Variants in SYNE3 observed in about 807,000 individuals in gnomAD.
The protein encoded by SYNE3 is nesprin-3.
In SYNE3, 100 loss-of-function variants were observed where a neutral mutation model predicts 111.2. That is an observed-to-expected ratio of 0.90 (90% confidence interval 0.77 to 1.06). SYNE3 has a LOEUF of 1.06. Ranked by LOEUF, SYNE3 falls within the 50% of genes least tolerant of loss-of-function variation. The pLI, the probability that SYNE3 is intolerant of heterozygous loss-of-function variation, is 0.00. For missense variants in SYNE3, 1,160 were observed against 1,240.3 expected (o/e 0.94, Z 0.97); for synonymous variants, 547 against 533.9 (o/e 1.02, Z -0.34).
chr14:95,508,518 G>T (rs1462079601), intron 1 of SYNE3, among the ~76,000 whole-genome samples: 1 of 152,224 alleles, frequency 6.6e-6, no homozygotes, highest in Non-Finnish European at 1.5e-5. Context: ...ATAATTTCAG[G>T]GTGACAGGAC....
Position 95,475,874 on chromosome 14 carries a change from T to C in SYNE3, c.-14-39A>G, listed in dbSNP as rs115581614. 8.9e-3 allele frequency: 12,420 copies of C among 1,402,274 alleles called. 582 individuals carry two copies. In the Admixed American group the frequency reaches 0.15, roughly 16 times the overall value. The allele number at this position is 1,402,274 out of a possible 1,614,324, so 86.9% of individuals were successfully genotyped here. A position where few individuals can be genotyped will look rare whatever the true frequency, so the allele number is the denominator to read the frequency against. ...CACAGATAAGGCCAACAGGCAGGAA[T>C]GTAGGGGGCTGCAAAAAGACCCCCG... On this transcript the variant is annotated intron_variant, in intron 1 of 17. Coordinates refer to ENST00000682763, the MANE Select transcript of SYNE3 (RefSeq NM_152592.6).
chr14:95,434,919 G>A (rs1885999816), intron 15 of SYNE3, among the ~76,000 whole-genome samples: 4 of 152,310 alleles, frequency 2.6e-5, no homozygotes, highest in African/African-American at 7.2e-5. Flanking sequence ...CTCCCAAAGT[G>A]CGGGGATTAC....
At position 95,457,297 on chromosome 14, in the gene SYNE3, C is replaced by T; in HGVS notation, c.669G>A (p.Glu223=). 1 of 1,614,002 alleles carries T rather than the reference C, an allele frequency of 6.2e-7. No homozygotes were observed. The highest frequency in any genetic ancestry group is 8.5e-7 in the Non-Finnish European group (1 of 1,179,974). The change falls in exon 5 of 18, where the codon GAG becomes GAA. Residue 223 remains glutamate (E), a synonymous_variant. Transcript: ENST00000682763. The part of the protein sequence containing the change: ...DLLEQVAREH[E]EYQAGVDEFQ... ...ACTCGTCCACACCTGCCTGGTACTCCTCATGCTCCCGGGCCACCTGCTCCA... is the reference window on the plus strand; with the variant it reads ...ACTCGTCCACACCTGCCTGGTACTCTTCATGCTCCCGGGCCACCTGCTCCA...
chr14:95,459,371 G>A (rs761282910), intron 4 of SYNE3, among the ~76,000 whole-genome samples: 31 of 151,248 alleles, frequency 2.0e-4, no homozygotes, highest in Non-Finnish European at 8.9e-5. Flanking sequence ...GACGAGCCTA[G>A]GCAACACGGT....
intron 7 of SYNE3, 89 bp downstream of exon 7, chr14:95,452,158 G>T: frequency 7.0e-7 from 1 of 1,434,388 alleles, no homozygotes. Flanking sequence ...TTACTATGTT[G>T]TAGGAGAAAG....
intron 2 of SYNE3, 92 bp downstream of exon 2, chr14:95,475,586 G>T: frequency 7.8e-7 from 1 of 1,282,576 alleles, no homozygotes; most frequent in Non-Finnish European, 1.0e-6. Context: ...TTAGTCCACC[G>T]TTGCCTTTCA....
At chr14:95,430,737 T>C (rs2139368799) in intron 17 of SYNE3, among the ~76,000 whole-genome samples, 1 of 151,812 alleles carries the variant, frequency 6.6e-6, no homozygotes, top group East Asian at 1.9e-4. Flanking sequence ...GGCAGGAAAA[T>C]TGCTTGAACC....
rs138117065 is a variant in SYNE3 at position 95,483,904 on chromosome 14, A to G, written c.-14-8069T>C. Among the ~76,000 whole-genome samples the G allele has an allele frequency of 6.0e-3, 916 of 152,296 alleles. 11 individuals carry two copies. The highest frequency in any genetic ancestry group is 0.035 in the East Asian group (182 of 5,174). ...AGGTCTACTCTACAATTACAGCCAC[A>G]AAGGACACTGGCCAGGGACTGCTTT... On this transcript the variant is annotated intron_variant, in intron 1 of 17. Transcript: ENST00000682763.
At chr14:95,449,385 G>A (rs889929793) in intron 8 of SYNE3, 4 of 974,858 alleles carry the variant, frequency 4.1e-6, no homozygotes, top group Non-Finnish European at 4.9e-6. Flanking sequence ...GGAAGTAGAG[G>A]TGGAGAGAGC....
chr14:95,419,864 G>A (rs61981396), intron 17 of SYNE3, among the ~76,000 whole-genome samples: 104,562 of 115,476 alleles, frequency 0.91, 46,884 homozygotes, highest in Non-Finnish European at 0.93. Flanking sequence ...GGTGATGGAG[G>A]TGATGGTGAT....
intron 10 of SYNE3, chr14:95,444,035 G>A (rs2147122): frequency 0.71 from 119,152 of 168,696 alleles, 43,692 homozygotes; most frequent in African/African-American, 0.92. Context: ...GGGTTTTAAA[G>A]AGAGAACTAT....
chr14:95,465,951 C>A lies in SYNE3; in HGVS notation c.607G>T (p.Ala203Ser). The change falls in exon 4 of 18, where the codon GCA becomes TCA. Residue 203 changes from alanine to serine, a missense_variant. Coordinates refer to ENST00000682763, the MANE Select transcript of SYNE3 (RefSeq NM_152592.6). The part of the protein sequence containing the change: ...AQKRMKAEYD[A>S]VKAKAQKRVD... ...CTCACCTGGGCCTTGGCCTTCACTG[C>A]ATCGTACTCAGCCTTCATTCTCTTC... 6.3e-7 allele frequency: 1 copy of A among 1,585,336 alleles called. No homozygotes were observed. Among genetic ancestry groups the A allele is most frequent in the Non-Finnish European group, 8.6e-7 (1 of 1,157,556 alleles).
intron 1 of SYNE3, among the ~76,000 whole-genome samples, chr14:95,515,742 C>T (rs1890896613): frequency 6.6e-6 from 1 of 152,210 alleles, no homozygotes; most frequent in Admixed American, 6.5e-5. Flanking sequence ...GACCAGGAAC[C>T]TGGGAGAGTC....
intron 3 of SYNE3, 60 bp from the exon 4 acceptor site, chr14:95,466,300 G>A: frequency 3.3e-6 from 5 of 1,509,362 alleles, no homozygotes; most frequent in Non-Finnish European, 3.5e-6. Context: ...CTGGGTCGGG[G>A]GTCTGTGCTG....
intron 17 of SYNE3, among the ~76,000 whole-genome samples, chr14:95,419,255 C>T (rs1884937069): frequency 6.6e-6 from 1 of 152,122 alleles, no homozygotes; most frequent in African/African-American, 2.4e-5. Context: ...TGGGTCCCCA[C>T]CCAGACTCTG....
rs756639179 is a variant in SYNE3, at chr14:95,439,964, G to A, written c.2023C>T (p.Arg675Trp). 44 of 1,613,860 alleles carry A rather than the reference G, an allele frequency of 2.7e-5. No homozygotes were observed. In the East Asian group the frequency reaches 6.0e-4, roughly 22 times the overall value. The change falls in exon 12 of 18, where the codon CGG (arginine) becomes TGG (tryptophan). Residue 675 changes from arginine to tryptophan, a missense_variant. Physicochemically the swap from Arg to Trp is moderately radical, Grantham distance 101 (BLOSUM62 -3). Coordinates refer to ENST00000682763, the MANE Select transcript of SYNE3 (RefSeq NM_152592.6). ...VVTTQKLEAH[R>W]GEAGPGDAES... is the part of the protein sequence containing the mutation. ...GCATCCCCCGGGCCCGCCTCTCCCC[G>A]GTGTGCCTCCAGCTTTTGCGTGGTC...
chr14:95,482,190 T>G (rs960755775), intron 1 of SYNE3, among the ~76,000 whole-genome samples: 1 of 150,650 alleles, frequency 6.6e-6, no homozygotes, highest in Non-Finnish European at 1.5e-5. Context: ...TCCCAACACT[T>G]TGGGAGGTCA....
Position 95,455,556 on chromosome 14 carries a change from C to T in SYNE3, c.958G>A (p.Glu320Lys), listed in dbSNP as rs1887374366. 4 of 1,614,084 alleles carry T rather than the reference C, an allele frequency of 2.5e-6. No individual in the cohort carries two copies. In the South Asian group the frequency reaches 3.3e-5, roughly 13 times the overall value. ...EKLRALWEEE[E>K]ERLRGLLRSR... is the part of the protein sequence containing the mutation. The stretch of plus-strand genomic sequence containing the variant: ...CGGAGCAGGCCCCGCAGCCGCTCCT[C>T]CTCCTCCTCCCAGAGGGCGCGCAGC... Residue 320 changes from glutamate (E) to lysine (K), a missense_variant, in exon 6 of 18, where the codon GAG becomes AAG. Glu to Lys is a moderately conservative substitution (Grantham distance 56). Transcript: ENST00000682763.
chr14:95,441,521 G>A (rs1886414424), intron 11 of SYNE3, among the ~76,000 whole-genome samples: 1 of 152,228 alleles, frequency 6.6e-6, no homozygotes, highest in Non-Finnish European at 1.5e-5. Flanking sequence ...TCTCTTTAAA[G>A]AAGAATATAA....
Sources: allele counts gnomAD v4.1 joint callset (sites outside exome capture counted in the v4.1 genomes callset), GRCh38; gene constraint gnomAD v4.1.1; transcripts MANE v1.5; gene names NCBI Gene and HGNC (gene_info 2026-07-23, HGNC 2026-07-21).